Variants in MUSK observed in about 807,000 individuals in gnomAD.
The protein encoded by MUSK is muscle associated receptor tyrosine kinase.
In MUSK, 55 loss-of-function variants were observed where a neutral mutation model predicts 88.7. The ratio of observed to expected loss-of-function variants is 0.62; its 90% CI spans 0.50 to 0.78. The LOEUF is 0.78. Ranked by LOEUF, MUSK falls within the 30% of genes least tolerant of loss-of-function variation. The pLI is 0.00. For missense variants in MUSK, 1,015 were observed against 1,074.3 expected (o/e 0.94, Z 0.77); for synonymous variants, 387 against 391.9 (o/e 0.99, Z 0.15).
chr9:110,715,111 C>A (rs1029572135), intron 5 of MUSK, among the ~76,000 whole-genome samples: 1 of 149,616 alleles, frequency 6.7e-6, no homozygotes, highest in Non-Finnish European at 1.5e-5. Context: ...AAAATAAAGC[C>A]TTCTCCCTTT....
intron 14 of MUSK, among the ~76,000 whole-genome samples, chr9:110,798,741 T>A (rs989664664): frequency 5.9e-5 from 9 of 152,022 alleles, no homozygotes; most frequent in African/African-American, 2.2e-4. Flanking sequence ...CACCTAAGAG[T>A]TGGGTTGGAG....
At chr9:110,746,289 A>G (rs909786961) in intron 6 of MUSK, among the ~76,000 whole-genome samples, 1 of 152,212 alleles carries the variant, frequency 6.6e-6, no homozygotes, top group Non-Finnish European at 1.5e-5. Flanking sequence ...TCAAGAAAAC[A>G]GTGAAAAAAG....
Position 110,668,859 on chromosome 9 carries a change from T to C in MUSK, c.-46T>C, listed in dbSNP as rs2075921348. 6.7e-7 allele frequency: 1 copy of C among 1,481,804 alleles called. No individual in the cohort carries two copies. The highest frequency in any genetic ancestry group is 1.7e-5 in the Admixed American group (1 of 59,514). 91.8% of individuals were successfully genotyped at this position (1,481,804 alleles called of 1,614,324 possible). A position where few individuals can be genotyped will look rare whatever the true frequency, so the allele number is the denominator to read the frequency against. ...ATGTAAACTGTGGAGCCATTTTCCTTGCGTTGTCCAGAAGGAACTTCGTCC... is the reference window on the plus strand; with the variant it reads ...ATGTAAACTGTGGAGCCATTTTCCTCGCGTTGTCCAGAAGGAACTTCGTCC... On this transcript the variant is annotated 5_prime_UTR_variant, in exon 1 of 15. Coordinates refer to ENST00000374448, the MANE Select transcript of MUSK (RefSeq NM_005592.4).
intron 10 of MUSK, among the ~76,000 whole-genome samples, chr9:110,776,331 C>A (rs1426782108): frequency 1.3e-5 from 2 of 152,082 alleles, no homozygotes; most frequent in Admixed American, 6.5e-5. Context: ...AGTCCTTTTT[C>A]TTAGCCAAGA....
intron 8 of MUSK, among the ~76,000 whole-genome samples, chr9:110,766,184 C>T (rs2077482453): frequency 6.6e-6 from 1 of 152,044 alleles, no homozygotes; most frequent in Non-Finnish European, 1.5e-5. Flanking sequence ...TCTGATCTGA[C>T]TTGGAGAAGA....
chr9:110,781,363 G>A (rs748700739), intron 11 of MUSK, among the ~76,000 whole-genome samples: 18 of 152,096 alleles, frequency 1.2e-4, no homozygotes, highest in Non-Finnish European at 2.2e-4. Context: ...TGCAAGCTCC[G>A]CCTCCCGGGT....
At position 110,695,553 on chromosome 9, in the gene MUSK, C is replaced by T. The variant is rs1432043397; in HGVS notation, c.486+23C>T. The T allele has an allele frequency of 4.0e-6, 6 of 1,499,456 alleles. No homozygotes were observed. In the African/African-American group the frequency reaches 4.2e-5, roughly 10 times the overall value. 92.9% of individuals were successfully genotyped at this position (1,499,456 alleles called of 1,614,324 possible). ...AGGGTAAGTGGTTATGATGTTAAAA[C>T]ACATATATAAAATGTATTTTAAAAT... On this transcript the variant is annotated intron_variant, in intron 4 of 14. Coordinates refer to ENST00000374448, the MANE Select transcript of MUSK (RefSeq NM_005592.4).
At chr9:110,769,785 G>C (rs186118913) in intron 9 of MUSK, among the ~76,000 whole-genome samples, 211 of 151,062 alleles carry the variant, frequency 1.4e-3, no homozygotes, top group African/African-American at 4.8e-3. Flanking sequence ...TTTTCCTTTA[G>C]TACTACTAAC....
chr9:110,773,403 T>C (rs2077611441), intron 9 of MUSK, among the ~76,000 whole-genome samples: 1 of 152,166 alleles, frequency 6.6e-6, no homozygotes, highest in Non-Finnish European at 1.5e-5. Flanking sequence ...TGTTCAATTA[T>C]ATTTTATTTG....
At chr9:110,719,009 C>T (rs1008141522) in intron 5 of MUSK, among the ~76,000 whole-genome samples, 1 of 152,076 alleles carries the variant, frequency 6.6e-6, no homozygotes. Flanking sequence ...AGGAAAGATA[C>T]AGTCTTTCCA....
chr9:110,671,297 C>T (rs998267740), intron 1 of MUSK, among the ~76,000 whole-genome samples: 2 of 152,060 alleles, frequency 1.3e-5, no homozygotes, highest in Non-Finnish European at 2.9e-5. Flanking sequence ...ATAAAAATGG[C>T]CCACCCAAAC....
At chr9:110,692,502 A>T (rs1219397091) in intron 3 of MUSK, among the ~76,000 whole-genome samples, 1 of 151,810 alleles carries the variant, frequency 6.6e-6, no homozygotes, top group Non-Finnish European at 1.5e-5. Flanking sequence ...CTAAAGACCA[A>T]AGCTTTTTAG....
chr9:110,675,965 T>C (rs1256030396), intron 1 of MUSK, among the ~76,000 whole-genome samples: 1 of 152,092 alleles, frequency 6.6e-6, no homozygotes, highest in Non-Finnish European at 1.5e-5. Flanking sequence ...TTTTTGTTCT[T>C]TATCTCTCAA....
At chr9:110,788,661 T>G (rs2077917141) in intron 14 of MUSK, among the ~76,000 whole-genome samples, 1 of 151,020 alleles carries the variant, frequency 6.6e-6, no homozygotes, top group African/African-American at 2.4e-5. Flanking sequence ...AAATCTGTGC[T>G]CTCATAGAGC....
At chr9:110,697,292 A>G in intron 4 of MUSK, 33 bp from the exon 5 acceptor site, 1 of 1,611,440 alleles carries the variant, frequency 6.2e-7, no homozygotes. Context: ...AGACCCATAA[A>G]CATTTTTGAA....
At chr9:110,799,557 A>C (rs2078060137) in intron 14 of MUSK, among the ~76,000 whole-genome samples, 1 of 152,218 alleles carries the variant, frequency 6.6e-6, no homozygotes, top group East Asian at 1.9e-4. Context: ...CCTTCATAGA[A>C]GTAAACAGAA....
intron 5 of MUSK, among the ~76,000 whole-genome samples, chr9:110,719,184 A>T (rs1457231171): frequency 6.6e-6 from 1 of 152,038 alleles, no homozygotes; most frequent in Non-Finnish European, 1.5e-5. Context: ...AACAACAACA[A>T]CAAGGTATTC....
Position 110,695,480 on chromosome 9 carries a change from G to A in MUSK, c.436G>A (p.Gly146Ser). The change falls in exon 4 of 15, where the codon GGT (glycine) becomes AGT (serine). Residue 146 changes from glycine to serine, a missense_variant. Coordinates refer to ENST00000374448, the MANE Select transcript of MUSK (RefSeq NM_005592.4). ...LKAVLPCTTM[G>S]NPKPSVSWIK... is the part of the protein sequence containing the mutation. ...AGCAGTCCTACCATGTACTACAATG[G>A]GTAATCCCAAACCATCAGTGTCTTG... 6.4e-7 allele frequency: 1 copy of A among 1,565,076 alleles called. No individual in the cohort carries two copies. Among genetic ancestry groups the A allele is most frequent in the Non-Finnish European group, 8.7e-7 (1 of 1,151,418 alleles).
chr9:110,785,823 TAC>T, intron 13 of MUSK, 105 bp downstream of exon 13: 2 of 581,076 alleles, frequency 3.4e-6, no homozygotes, highest in Non-Finnish European at 2.8e-6. Flanking sequence ...TATATATATA[TAC>T]ACACACATAT....
Sources: gnomAD v4.1 joint callset for allele counts (sites outside exome capture counted in the v4.1 genomes callset) on GRCh38, gnomAD v4.1.1 for gene constraint, MANE v1.5 for transcripts, NCBI Gene and HGNC (gene_info 2026-07-23, HGNC 2026-07-21) for gene names.